SRSF3: variants seen among roughly 807,000 people sequenced by gnomAD.
SRSF3 encodes the protein serine and arginine rich splicing factor 3, also known as serine/arginine-rich splicing factor 3.
For synonymous variants in SRSF3, 87 were observed against 73.6 expected (o/e 1.18, Z -0.93); for missense variants, 58 against 217.1 (o/e 0.27, Z 4.61).
chr6:36,605,171 C>T lies in SRSF3; in HGVS notation c.*3182C>T, dbSNP rs1778789481. 2.0e-5 allele frequency: 3 copies of T among 152,064 alleles called. No homozygotes were observed. The highest frequency in any genetic ancestry group is 7.2e-5 in the African/African-American group (3 of 41,402). 9.4% of individuals were successfully genotyped at this position (152,064 alleles called of 1,614,324 possible). A position where few individuals can be genotyped will look rare whatever the true frequency, so the allele number is the denominator to read the frequency against. On this transcript the variant is annotated 3_prime_UTR_variant, in exon 6 of 6. Coordinates refer to ENST00000373715, the MANE Select transcript of SRSF3 (RefSeq NM_003017.5). Reference sequence around the variant, plus strand: ...CTGAAGATAATTCAGCTGTAGACCCCTTAAGGTTCTGAGACAAGGTCATTG... The same window carrying T: ...CTGAAGATAATTCAGCTGTAGACCCTTTAAGGTTCTGAGACAAGGTCATTG...
chr6:36,594,640 GT>G (rs1045647416), intron 1 of SRSF3, 159 bp downstream of exon 1: 1 of 152,340 alleles, frequency 6.6e-6, no homozygotes, highest in African/African-American at 2.4e-5. Context: ...CCATCGGAGG[GT>G]TTCCTAGTCT....
At position 36,603,424 on chromosome 6, in the gene SRSF3, G is replaced by C. The variant is rs779732681; in HGVS notation, c.*1435G>C. 4.5e-6 allele frequency: 1 copy of C among 223,662 alleles called. No individual in the cohort carries two copies. Among genetic ancestry groups the C allele is most frequent in the Admixed American group, 5.7e-5 (1 of 17,428 alleles). 13.9% of individuals were successfully genotyped at this position (223,662 alleles called of 1,614,324 possible). Reference sequence around the variant, plus strand: ...TTGTGCAATTAGATTAAATCATAATGCAACAGTCTTGTGGCTTAGTTTCCT... The same window carrying C: ...TTGTGCAATTAGATTAAATCATAATCCAACAGTCTTGTGGCTTAGTTTCCT... On this transcript the variant is annotated 3_prime_UTR_variant, in exon 6 of 6. Coordinates refer to ENST00000373715, the MANE Select transcript of SRSF3 (RefSeq NM_003017.5).
intron 5 of SRSF3, 67 bp from the exon 6 acceptor site, chr6:36,601,895 A>ATGTCACTAAAG (rs1778722085): frequency 5.1e-6 from 8 of 1,582,662 alleles, no homozygotes; most frequent in Non-Finnish European, 6.8e-6. Flanking sequence ...CTATTTCGAT[A>ATGTCACTAAAG]TGTCACTAAA....
chr6:36,601,654 TTATG>T (rs1200890526), intron 4 of SRSF3, 50 bp from the exon 5 acceptor site: 1 of 1,471,786 alleles, frequency 6.8e-7, no homozygotes, highest in Non-Finnish European at 9.4e-7. Context: ...AAGAAAATAT[TTATG>T]TATAATTTTA....
In SRSF3 at chr6:36,599,008, A is replaced by G. The variant is rs1344561083; in HGVS notation, c.341+25A>G. On this transcript the variant is annotated intron_variant, in intron 3 of 5. Transcript: ENST00000373715. Reference sequence around the variant, plus strand: ...GGTACTTGAGAGAAAGCTTGTTAAGAGGTATTGGTGTAATGGAGTAGCTAG... The same window carrying G: ...GGTACTTGAGAGAAAGCTTGTTAAGGGGTATTGGTGTAATGGAGTAGCTAG... The G allele has an allele frequency of 6.8e-6, 11 of 1,613,240 alleles. No homozygotes were observed. The East Asian group carries it at 1.8e-4, about 26-fold the overall frequency.
intron 3 of SRSF3, among the ~76,000 whole-genome samples, chr6:36,599,264 T>G (rs1778680390): frequency 6.6e-6 from 1 of 152,206 alleles, no homozygotes; most frequent in Admixed American, 6.5e-5. Context: ...ATACTTCAGT[T>G]TAGGCCTTTT....
chr6:36,597,876 A>G (rs988386156), intron 2 of SRSF3, among the ~76,000 whole-genome samples: 1 of 151,430 alleles, frequency 6.6e-6, no homozygotes, highest in Non-Finnish European at 1.5e-5. Flanking sequence ...TATTTAAAAA[A>G]TAATACAGAC....
intron 1 of SRSF3, among the ~76,000 whole-genome samples, chr6:36,596,489 T>C (rs1400678437): frequency 6.7e-6 from 1 of 150,322 alleles, no homozygotes; most frequent in African/African-American, 2.5e-5. Context: ...CTCCAGTTGT[T>C]CTCAACGTTC....
rs1032584120 is a variant in SRSF3 at position 36,603,632 on chromosome 6, A to C, written c.*1643A>C. 2.2e-5 allele frequency: 5 copies of C among 229,530 alleles called. No homozygotes were observed. The highest frequency in any genetic ancestry group is 1.1e-4 in the African/African-American group (5 of 45,168). The allele number at this position is 229,530 out of a possible 1,614,324, so 14.2% of individuals were successfully genotyped here. ...ATTGGTGTCAGGAAGGTTCAGCCTT[A>C]AAGTTAAGCATGTTCAAGAAAGACA... On this transcript the variant is annotated 3_prime_UTR_variant, in exon 6 of 6. Transcript: ENST00000373715.
At position 36,603,759 on chromosome 6, in the gene SRSF3, A is replaced by G. The variant is rs1206278977; in HGVS notation, c.*1770A>G. 1.3e-5 allele frequency: 3 copies of G among 231,146 alleles called. No individual in the cohort carries two copies. The highest frequency in any genetic ancestry group is 2.6e-5 in the Non-Finnish European group (3 of 116,816). 14.3% of individuals were successfully genotyped at this position (231,146 alleles called of 1,614,324 possible). A position where few individuals can be genotyped will look rare whatever the true frequency, so the allele number is the denominator to read the frequency against. On this transcript the variant is annotated 3_prime_UTR_variant, in exon 6 of 6. Coordinates refer to ENST00000373715, the MANE Select transcript of SRSF3 (RefSeq NM_003017.5). Reference sequence around the variant, plus strand: ...AACCTGTTCCTGTTAGGAACAAGCCAAGATAGCTAAGAAGTTACGGAAGCC... The same window carrying G: ...AACCTGTTCCTGTTAGGAACAAGCCGAGATAGCTAAGAAGTTACGGAAGCC...
At chr6:36,601,057 C>G (rs1778707974) in intron 3 of SRSF3, 95 bp from the exon 4 acceptor site, 4 of 456,760 alleles carry the variant, frequency 8.8e-6, no homozygotes, top group Non-Finnish European at 1.3e-5. Flanking sequence ...TCGGCACATT[C>G]ACTGGGCCCA....
chr6:36,596,991 A>G (rs759175752), intron 2 of SRSF3, 23 bp downstream of exon 2: 68 of 1,609,158 alleles, frequency 4.2e-5, no homozygotes, highest in Non-Finnish European at 5.4e-5. Flanking sequence ...TTACGCTGAT[A>G]AAAATGTGTT....
chr6:36,600,343 C>A (rs1203414369), intron 3 of SRSF3: 1 of 925,952 alleles, frequency 1.1e-6, no homozygotes, highest in African/African-American at 1.8e-5. Flanking sequence ...TAAAGTAATT[C>A]TTTTTTCTGG....
At chr6:36,601,902 TAA>T in intron 5 of SRSF3, 58 bp from the exon 6 acceptor site, 1 of 1,588,368 alleles carries the variant, frequency 6.3e-7, no homozygotes, top group Non-Finnish European at 8.5e-7. Context: ...GATATGTCAC[TAA>T]AGTGTCACCA....
At position 36,603,129 on chromosome 6, in the gene SRSF3, A is replaced by AC. The variant is rs1778747644; in HGVS notation, c.*1142dup. ...AGTTCAGGGTCCATAATATTTAGTGACCAACATTTTAAAGTATAGCAGCAA... is the reference window on the plus strand; with the variant it reads ...AGTTCAGGGTCCATAATATTTAGTGACCCAACATTTTAAAGTATAGCAGCAA... On this transcript the variant is annotated 3_prime_UTR_variant, in exon 6 of 6. Transcript: ENST00000373715. The AC allele has an allele frequency of 4.5e-6, 1 of 223,164 alleles. No homozygotes were observed. The highest frequency in any genetic ancestry group is 2.2e-5 in the African/African-American group (1 of 44,686). 13.8% of individuals were successfully genotyped at this position (223,164 alleles called of 1,614,324 possible).
chr6:36,597,243 C>T (rs1486193628), intron 2 of SRSF3: 1 of 469,324 alleles, frequency 2.1e-6, no homozygotes, highest in Admixed American at 3.9e-5. Context: ...GTAACTGGGA[C>T]TACAGGCGTG....
intron 2 of SRSF3, among the ~76,000 whole-genome samples, chr6:36,598,008 C>T (rs1236927951): frequency 6.6e-6 from 1 of 151,958 alleles, no homozygotes; most frequent in African/African-American, 2.4e-5. Context: ...GCTATAATTT[C>T]TTCTGTGCTG....
At position 36,603,524 on chromosome 6, in the gene SRSF3, A is replaced by G. The variant is rs1778754168; in HGVS notation, c.*1535A>G. On this transcript the variant is annotated 3_prime_UTR_variant, in exon 6 of 6. Coordinates refer to ENST00000373715, the MANE Select transcript of SRSF3 (RefSeq NM_003017.5). ...AATATGAAAGATAAGTCATTGCATT[A>G]AGAGTTCAAGCTAAATGGATACATT... The G allele has an allele frequency of 4.4e-6, 1 of 226,428 alleles. No individual in the cohort carries two copies. The highest frequency in any genetic ancestry group is 2.2e-5 in the African/African-American group (1 of 45,016). 14.0% of individuals were successfully genotyped at this position (226,428 alleles called of 1,614,324 possible).
At chr6:36,598,783 C>CT in intron 2 of SRSF3, 66 bp from the exon 3 acceptor site, 1 of 1,576,988 alleles carries the variant, frequency 6.3e-7, no homozygotes, top group Non-Finnish European at 8.6e-7. Flanking sequence ...ACTGAGAGTA[C>CT]TTTTGGCTTT....
Sources: gnomAD v4.1 joint callset for allele counts (sites outside exome capture counted in the v4.1 genomes callset) on GRCh38, gnomAD v4.1.1 for gene constraint, MANE v1.5 for transcripts, NCBI Gene and HGNC (gene_info 2026-07-23, HGNC 2026-07-21) for gene names.